CCSER1: variants seen among roughly 807,000 people sequenced by gnomAD.
CCSER1 encodes the protein serine-rich coiled-coil domain-containing protein 1.
In CCSER1, 41 loss-of-function variants were observed where a neutral mutation model predicts 82.0. The observed-to-expected ratio is 0.50, with a 90% CI of 0.39 to 0.65. CCSER1 has a LOEUF of 0.65. Among genes scored for constraint, CCSER1 ranks in the 30% least tolerant of loss-of-function variants. The pLI is 0.00. For missense variants in CCSER1, 1,119 were observed against 1,064.2 expected (o/e 1.05, Z -0.72); for synonymous variants, 414 against 383.9 (o/e 1.08, Z -0.92).
At position 90,827,234 on chromosome 4, in the gene CCSER1, T is replaced by C. The variant is rs548062718; in HGVS notation, c.2094+11389T>C. Among the ~76,000 whole-genome samples the C allele has an allele frequency of 9.2e-5, 14 of 152,330 alleles. No homozygotes were observed. The South Asian group carries it at 2.7e-3, about 29-fold the overall frequency. On this transcript the variant is annotated intron_variant, in intron 8 of 10. Coordinates refer to ENST00000509176, the MANE Select transcript of CCSER1 (RefSeq NM_001145065.2). ...CTTTTATGGTTTCTTCTGGTCATTG[T>C]CATGATGATTAACTGTCATGGCACT...
chr4:91,018,864 G>GT (rs1739673139), intron 9 of CCSER1, among the ~76,000 whole-genome samples: 2 of 152,002 alleles, frequency 1.3e-5, no homozygotes, highest in Admixed American at 6.6e-5. Context: ...TGCTGATGTT[G>GT]TTGGATGTCC....
chr4:91,174,060 A>G (rs1304557200), intron 10 of CCSER1, among the ~76,000 whole-genome samples: 1 of 152,216 alleles, frequency 6.6e-6, no homozygotes, highest in African/African-American at 2.4e-5. Flanking sequence ...AATGACAAAT[A>G]TATTTCCCAT....
At chr4:91,256,464 T>C (rs1418094223) in intron 10 of CCSER1, among the ~76,000 whole-genome samples, 1 of 152,182 alleles carries the variant, frequency 6.6e-6, no homozygotes, top group Non-Finnish European at 1.5e-5. Context: ...ACCCTATTCA[T>C]ACACTCCCTC....
intron 10 of CCSER1, among the ~76,000 whole-genome samples, chr4:91,156,148 G>A (rs1175562478): frequency 6.6e-6 from 1 of 151,676 alleles, no homozygotes; most frequent in Non-Finnish European, 1.5e-5. Flanking sequence ...ATTGATAATT[G>A]TTGAAGGGAG....
At chr4:91,247,001 G>A (rs1465598799) in intron 10 of CCSER1, among the ~76,000 whole-genome samples, 2 of 152,020 alleles carry the variant, frequency 1.3e-5, no homozygotes, top group East Asian at 3.8e-4. Flanking sequence ...AGAATATAGA[G>A]TTTAAAAATA....
At chr4:90,471,249 G>A (rs1218484914) in intron 5 of CCSER1, among the ~76,000 whole-genome samples, 1 of 151,824 alleles carries the variant, frequency 6.6e-6, no homozygotes, top group Non-Finnish European at 1.5e-5. Context: ...CAGGCATTGG[G>A]CAGATTCTTT....
At chr4:90,789,612 G>T (rs1255329887) in intron 7 of CCSER1, among the ~76,000 whole-genome samples, 1 of 152,040 alleles carries the variant, frequency 6.6e-6, no homozygotes, top group Non-Finnish European at 1.5e-5. Flanking sequence ...AATCATGGGG[G>T]CACATCTTTT....
rs1049851974 is a variant in CCSER1 at position 90,749,075 on chromosome 4, C to T, written c.2010+25084C>T. ...CATTTGTCAATTTTGGCTTTTGTTGCCGTTGCTTTTGGTGTTTTAGACATG... is the reference window on the plus strand; with the variant it reads ...CATTTGTCAATTTTGGCTTTTGTTGTCGTTGCTTTTGGTGTTTTAGACATG... On this transcript the variant is annotated intron_variant, in intron 7 of 10. Transcript: ENST00000509176. Among the ~76,000 whole-genome samples the T allele has an allele frequency of 7.2e-4, 110 of 151,796 alleles. 3 individuals carry two copies. Among genetic ancestry groups the T allele is most frequent in the Admixed American group, 8.6e-4 (13 of 15,200 alleles).
chr4:90,598,084 T>C (rs1046834600), intron 5 of CCSER1, among the ~76,000 whole-genome samples: 1 of 152,114 alleles, frequency 6.6e-6, no homozygotes, highest in Admixed American at 6.6e-5. Context: ...CAATTGTGAA[T>C]GACACTGCAA....
chr4:91,400,327 A>G (rs1009762109), intron 10 of CCSER1, among the ~76,000 whole-genome samples: 1 of 151,842 alleles, frequency 6.6e-6, no homozygotes, highest in African/African-American at 2.4e-5. Flanking sequence ...AAATAGTATT[A>G]AGTGCTGAAG....
intron 10 of CCSER1, among the ~76,000 whole-genome samples, chr4:91,153,222 T>A (rs1443128746): frequency 1.3e-5 from 2 of 151,974 alleles, no homozygotes; most frequent in African/African-American, 4.8e-5. Flanking sequence ...GTTACTGTTT[T>A]TTCTCTAAAC....
intron 10 of CCSER1, among the ~76,000 whole-genome samples, chr4:91,473,925 T>C (rs1757420389): frequency 6.6e-6 from 1 of 152,120 alleles, no homozygotes; most frequent in Non-Finnish European, 1.5e-5. Flanking sequence ...GAGACTATTC[T>C]GAAAAACAAG....
At chr4:90,817,736 A>G (rs1363899385) in intron 8 of CCSER1, among the ~76,000 whole-genome samples, 2 of 152,182 alleles carry the variant, frequency 1.3e-5, no homozygotes, top group Non-Finnish European at 2.9e-5. Flanking sequence ...TAGAGGAAAC[A>G]TGGTTGGAAA....
intron 4 of CCSER1, among the ~76,000 whole-genome samples, chr4:90,422,331 C>T (rs28516464): frequency 0.019 from 2,899 of 152,266 alleles, 43 homozygotes; most frequent in African/African-American, 0.04. Flanking sequence ...TAGAACCAGA[C>T]ACATGATCCT....
At chr4:90,993,426 A>G (rs1344081276) in intron 9 of CCSER1, among the ~76,000 whole-genome samples, 1 of 150,612 alleles carries the variant, frequency 6.6e-6, no homozygotes, top group Non-Finnish European at 1.5e-5. Flanking sequence ...ACATTACTCT[A>G]TTTTGTCTGC....
chr4:90,394,217 T>A (rs1751641225), intron 3 of CCSER1, among the ~76,000 whole-genome samples: 1 of 152,138 alleles, frequency 6.6e-6, no homozygotes, highest in Non-Finnish European at 1.5e-5. Flanking sequence ...TAAATCATAT[T>A]TGATTTACTT....
At chr4:90,854,602 C>T (rs1764254243) in intron 8 of CCSER1, among the ~76,000 whole-genome samples, 1 of 152,174 alleles carries the variant, frequency 6.6e-6, no homozygotes, top group East Asian at 1.9e-4. Context: ...GAATACTCCA[C>T]TTTTCCATCC....
intron 9 of CCSER1, among the ~76,000 whole-genome samples, chr4:90,962,191 C>T (rs1734114710): frequency 6.6e-6 from 1 of 151,950 alleles, no homozygotes. Context: ...ACAGAACATT[C>T]TGTACCATTC....
chr4:90,758,835 A>T (rs1197780654), intron 7 of CCSER1, among the ~76,000 whole-genome samples: 1 of 152,180 alleles, frequency 6.6e-6, no homozygotes, highest in African/African-American at 2.4e-5. Flanking sequence ...GTGTAGTAGG[A>T]TGGTTAAAAT....
Sources: gnomAD v4.1 joint callset for allele counts (sites outside exome capture counted in the v4.1 genomes callset) on GRCh38, gnomAD v4.1.1 for gene constraint, MANE v1.5 for transcripts, NCBI Gene and HGNC (gene_info 2026-07-23, HGNC 2026-07-21) for gene names.